CA10: variants seen among roughly 807,000 people sequenced by gnomAD.
The protein encoded by CA10 is carbonic anhydrase 10 (inactive).
CA10 carries 14 observed loss-of-function variants against 44.2 expected under a neutral mutation model. The ratio of observed to expected loss-of-function variants is 0.32; its 90% CI spans 0.21 to 0.50. The LOEUF (loss-of-function observed/expected upper bound fraction) is 0.50, where lower values mean the gene tolerates loss of function less well. Among genes scored for constraint, CA10 ranks in the 20% least tolerant of loss-of-function variants. CA10 has a pLI of 0.99. For synonymous variants in CA10, 159 were observed against 141.6 expected, an observed-to-expected ratio of 1.12 and a Z score of -0.87; for missense variants, 350 against 409.7, an observed-to-expected ratio of 0.85 and a Z score of 1.26.
At chr17:52,140,392 T>G (rs915112082) in intron 1 of CA10, among the ~76,000 whole-genome samples, 4 of 152,220 alleles carry the variant, frequency 2.6e-5, no homozygotes, top group East Asian at 1.9e-4. Context: ...ACGGTGTAAA[T>G]GTAGCCATCG....
chr17:52,083,524 A>G (rs1313738032), intron 1 of CA10, among the ~76,000 whole-genome samples: 1 of 152,164 alleles, frequency 6.6e-6, no homozygotes, highest in South Asian at 2.1e-4. Context: ...CTTAATGGGT[A>G]TATTATACTC....
intron 2 of CA10, among the ~76,000 whole-genome samples, chr17:52,066,121 T>C (rs1321528668): frequency 2.6e-5 from 4 of 152,206 alleles, no homozygotes; most frequent in Non-Finnish European, 1.5e-5. Flanking sequence ...GGCAGTTCTT[T>C]ATAGCAGTAT....
At chr17:51,794,831 C>T (rs1326609872) in intron 3 of CA10, among the ~76,000 whole-genome samples, 2 of 152,166 alleles carry the variant, frequency 1.3e-5, no homozygotes, top group African/African-American at 4.8e-5. Context: ...ATTTCCATGT[C>T]TGTAAGGCAA....
chr17:52,115,589 TGG>T (rs60535489), intron 1 of CA10, among the ~76,000 whole-genome samples: 2 of 152,118 alleles, frequency 1.3e-5, no homozygotes, highest in African/African-American at 4.8e-5. Flanking sequence ...TTTTACATAT[TGG>T]GGGGTGTTCC....
chr17:51,838,379 C>T (rs1210730895), intron 3 of CA10, among the ~76,000 whole-genome samples: 1 of 152,190 alleles, frequency 6.6e-6, no homozygotes, highest in Admixed American at 6.5e-5. Context: ...CTGATGGAAC[C>T]AGTAGCTTCT....
At chr17:52,036,649 T>C (rs9901609) in intron 2 of CA10, among the ~76,000 whole-genome samples, 151,149 of 152,322 alleles carry the variant, frequency 0.99, 75,005 homozygotes, top group East Asian at 1. Context: ...CTGGCTCTGC[T>C]ACTTACTAGC....
intron 3 of CA10, among the ~76,000 whole-genome samples, chr17:51,872,476 A>G (rs1979863684): frequency 6.6e-6 from 1 of 152,172 alleles, no homozygotes; most frequent in African/African-American, 2.4e-5. Flanking sequence ...TGACAAACCT[A>G]CGGTGTTCTT....
At chr17:51,874,606 T>C (rs1051971946) in intron 3 of CA10, among the ~76,000 whole-genome samples, 1 of 152,166 alleles carries the variant, frequency 6.6e-6, no homozygotes, top group Non-Finnish European at 1.5e-5. Flanking sequence ...CGTGGTCTAT[T>C]ATATTAACCT....
In CA10 at chr17:51,870,593, A is replaced by G. The variant is rs575277447; in HGVS notation, c.279+60397T>C. On this transcript the variant is annotated intron_variant, in intron 3 of 8. Transcript: ENST00000451037. ...TACAAAACACCACATACATCCATATATATTATATATGCTGTAAGCACACAT... is the reference window on the plus strand; with the variant it reads ...TACAAAACACCACATACATCCATATGTATTATATATGCTGTAAGCACACAT... 2.2e-4 allele frequency among the ~76,000 whole-genome samples: 33 copies of G among 152,372 alleles called. No individual in the cohort carries two copies. The South Asian group carries it at 6.2e-3, about 29-fold the overall frequency.
At chr17:52,020,178 C>T (rs909235299) in intron 2 of CA10, among the ~76,000 whole-genome samples, 1 of 151,764 alleles carries the variant, frequency 6.6e-6, no homozygotes, top group African/African-American at 2.4e-5. Context: ...ATATTTTTTG[C>T]CTTAAATCTA....
At chr17:51,861,131 T>G (rs540757223) in intron 3 of CA10, among the ~76,000 whole-genome samples, 6 of 152,246 alleles carry the variant, frequency 3.9e-5, no homozygotes, top group African/African-American at 1.4e-4. Flanking sequence ...CCTTGTTAGG[T>G]TCTGCCAGTA....
chr17:51,923,845 T>A (rs1053893739), intron 3 of CA10, among the ~76,000 whole-genome samples: 1 of 152,184 alleles, frequency 6.6e-6, no homozygotes, highest in Non-Finnish European at 1.5e-5. Context: ...TCGTAGCAAC[T>A]TTTGGTGAAT....
intron 3 of CA10, among the ~76,000 whole-genome samples, chr17:51,865,922 C>A (rs1186894981): frequency 6.6e-6 from 1 of 152,194 alleles, no homozygotes; most frequent in Non-Finnish European, 1.5e-5. Flanking sequence ...TAAGATGGGA[C>A]CATGCACCCC....
At chr17:51,741,464 G>A (rs1904456980) in intron 4 of CA10, among the ~76,000 whole-genome samples, 1 of 152,136 alleles carries the variant, frequency 6.6e-6, no homozygotes, top group African/African-American at 2.4e-5. Flanking sequence ...AATGCTTTGG[G>A]TAGCCTTCAT....
At chr17:52,123,314 G>A (rs1307827605) in intron 1 of CA10, among the ~76,000 whole-genome samples, 2 of 151,302 alleles carry the variant, frequency 1.3e-5, no homozygotes, top group African/African-American at 2.4e-5. Context: ...AGTAGTAACA[G>A]GATTACATAT....
At chr17:51,813,712 C>A (rs1907460179) in intron 3 of CA10, among the ~76,000 whole-genome samples, 1 of 152,134 alleles carries the variant, frequency 6.6e-6, no homozygotes. Flanking sequence ...GAAAGCTTTC[C>A]CCTCCGAATG....
intron 2 of CA10, among the ~76,000 whole-genome samples, chr17:51,973,297 A>T (rs1051038250): frequency 2.6e-5 from 4 of 152,218 alleles, no homozygotes; most frequent in African/African-American, 9.6e-5. Flanking sequence ...AGCCCATGCA[A>T]GGAGGAGCAT....
chr17:51,768,563 A>C (rs914017354), intron 3 of CA10, among the ~76,000 whole-genome samples: 5 of 152,154 alleles, frequency 3.3e-5, no homozygotes, highest in Non-Finnish European at 7.3e-5. Context: ...CTTTTTCTGC[A>C]ATGAGGATGT....
At chr17:51,932,682 C>CTCCCTCTGT (rs1360936180) in intron 2 of CA10, among the ~76,000 whole-genome samples, 1 of 151,996 alleles carries the variant, frequency 6.6e-6, no homozygotes, top group Non-Finnish European at 1.5e-5. Flanking sequence ...GCCTGAGTTA[C>CTCCCTCTGT]AGAGGGAGAA....
Sources: gnomAD v4.1 joint callset for allele counts (sites outside exome capture counted in the v4.1 genomes callset) on GRCh38, gnomAD v4.1.1 for gene constraint, MANE v1.5 for transcripts, NCBI Gene and HGNC (gene_info 2026-07-23, HGNC 2026-07-21) for gene names.